Variants in FSTL4 observed in about 807,000 individuals in gnomAD.
FSTL4 encodes follistatin like 4, also known as follistatin-related protein 4.
Under a neutral mutation model 78.2 loss-of-function variants are expected in FSTL4, and 28 were observed. That is an observed-to-expected ratio of 0.36 (90% CI 0.27 to 0.49). FSTL4 has a LOEUF of 0.49. FSTL4 is among the 20% of genes least tolerant of loss of function. The pLI is 0.98. For missense variants in FSTL4, 922 were observed against 1,084.9 expected, an observed-to-expected ratio of 0.85 and a Z score of 2.11; for synonymous variants, 422 against 440.5, an observed-to-expected ratio of 0.96 and a Z score of 0.53.
chr5:133,514,187 T>TAAG (rs1758803546), intron 3 of FSTL4, among the ~76,000 whole-genome samples: 1 of 114,430 alleles, frequency 8.7e-6, no homozygotes, highest in Admixed American at 7.8e-5. Flanking sequence ...TCAATGATAA[T>TAAG]AATAATAATA....
chr5:133,393,636 G>A (rs934785078), intron 4 of FSTL4, among the ~76,000 whole-genome samples: 4 of 152,258 alleles, frequency 2.6e-5, no homozygotes, highest in Non-Finnish European at 5.9e-5. Flanking sequence ...AGAGAAAGTG[G>A]AGGCCAGCTT....
chr5:133,322,390 T>A (rs1025846752), intron 4 of FSTL4, among the ~76,000 whole-genome samples: 24 of 151,984 alleles, frequency 1.6e-4, no homozygotes, highest in African/African-American at 5.8e-4. Context: ...CCTTTCTGAG[T>A]GAGGCTTGCC....
chr5:133,607,912 A>AAGGG (rs1313422033), intron 1 of FSTL4, among the ~76,000 whole-genome samples: 11 of 141,742 alleles, frequency 7.8e-5, no homozygotes, highest in African/African-American at 2.0e-4. Context: ...AGAAGGAAAG[A>AAGGG]AGGGAGGGAG....
At chr5:133,459,205 C>T (rs1020595148) in intron 3 of FSTL4, among the ~76,000 whole-genome samples, 2 of 152,164 alleles carry the variant, frequency 1.3e-5, no homozygotes, top group Non-Finnish European at 2.9e-5. Flanking sequence ...GCAAAGGGCA[C>T]ATATGTTTAT....
chr5:133,837,235 C>T, the FSTL4 span, among the ~76,000 whole-genome samples: 1 of 152,024 alleles, frequency 6.6e-6, no homozygotes, highest in South Asian at 2.1e-4. Context: ...ATTGAAGTCT[C>T]AGTTATTGAT....
chr5:133,398,850 T>C (rs1580682042), intron 4 of FSTL4, among the ~76,000 whole-genome samples: 1 of 152,010 alleles, frequency 6.6e-6, no homozygotes, highest in East Asian at 1.9e-4. Flanking sequence ...CAAAAAGGGG[T>C]CCTTAAGAGA....
intron 3 of FSTL4, among the ~76,000 whole-genome samples, chr5:133,496,955 A>G (rs1758378584): frequency 6.6e-6 from 1 of 151,626 alleles, no homozygotes; most frequent in African/African-American, 2.4e-5. Flanking sequence ...AGCCAGCCCT[A>G]CCCCAATCCT....
intron 6 of FSTL4, among the ~76,000 whole-genome samples, chr5:133,261,350 G>GTAC (rs1174486245): frequency 2.3e-4 from 35 of 152,232 alleles, no homozygotes; most frequent in Admixed American, 1.4e-3. Context: ...CGGTGGAAAG[G>GTAC]ATGTGAGTTT....
At chr5:133,648,586 G>A in the FSTL4 span, among the ~76,000 whole-genome samples, 1 of 152,174 alleles carries the variant, frequency 6.6e-6, no homozygotes, top group Admixed American at 6.5e-5. Flanking sequence ...GAAGCTTAAT[G>A]CAGCTTCCTC....
chr5:133,505,681 G>A (rs986372870), intron 3 of FSTL4, among the ~76,000 whole-genome samples: 1 of 152,218 alleles, frequency 6.6e-6, no homozygotes, highest in Non-Finnish European at 1.5e-5. Flanking sequence ...AAGAAGGGAT[G>A]CATTCCCTAC....
rs529145852 is a variant in FSTL4, at chr5:133,397,690, G to A, written c.409+3048C>T. 3.9e-5 allele frequency among the ~76,000 whole-genome samples: 6 copies of A among 152,242 alleles called. No individual in the cohort carries two copies. In the South Asian group the frequency reaches 1.2e-3, roughly 32 times the overall value. On this transcript the variant is annotated intron_variant, in intron 4 of 15. Coordinates refer to ENST00000265342, the MANE Select transcript of FSTL4 (RefSeq NM_015082.2). ...TGGCCACAGACGGGAGCTCTGAACT[G>A]TAGCAGCTTAGCCCAGCACAACCCA...
intron 3 of FSTL4, among the ~76,000 whole-genome samples, chr5:133,550,601 C>G (rs1759673140): frequency 6.6e-6 from 1 of 152,160 alleles, no homozygotes; most frequent in African/African-American, 2.4e-5. Context: ...ATACAACTGC[C>G]ATAGGAGGTA....
intron 3 of FSTL4, among the ~76,000 whole-genome samples, chr5:133,475,327 C>T (rs1420670417): frequency 6.6e-6 from 1 of 152,180 alleles, no homozygotes; most frequent in Non-Finnish European, 1.5e-5. Context: ...AATAGTTCAA[C>T]CTCAATCATT....
chr5:133,599,951 C>T (rs1413662237), intron 2 of FSTL4, among the ~76,000 whole-genome samples: 1 of 152,232 alleles, frequency 6.6e-6, no homozygotes, highest in African/African-American at 2.4e-5. Context: ...TACCATATCA[C>T]TTCTCACCCC....
intron 3 of FSTL4, among the ~76,000 whole-genome samples, chr5:133,475,341 A>G (rs1250335205): frequency 2.0e-5 from 3 of 152,206 alleles, no homozygotes; most frequent in Admixed American, 2.0e-4. Flanking sequence ...AATCATTTCA[A>G]AGATGCTTTC....
the FSTL4 span, among the ~76,000 whole-genome samples, chr5:133,828,864 G>C: frequency 6.6e-6 from 1 of 152,206 alleles, no homozygotes; most frequent in African/African-American, 2.4e-5. Context: ...CGAAGTGCTT[G>C]CTTCACTAAA....
the FSTL4 span, among the ~76,000 whole-genome samples, chr5:133,806,185 G>A: frequency 0.012 from 1,846 of 152,152 alleles, 20 homozygotes; most frequent in Non-Finnish European, 0.02. Context: ...TCTTGGTGTC[G>A]GACGTCTGTG....
the FSTL4 span, among the ~76,000 whole-genome samples, chr5:133,804,760 C>T: frequency 5.3e-5 from 8 of 151,754 alleles, no homozygotes; most frequent in Non-Finnish European, 7.4e-5. Context: ...CTGGTTAACA[C>T]GGTGAAACCC....
intron 4 of FSTL4, among the ~76,000 whole-genome samples, chr5:133,355,427 G>T (rs1169736190): frequency 6.6e-6 from 1 of 152,202 alleles, no homozygotes; most frequent in Admixed American, 6.5e-5. Context: ...GGAGGCCAAG[G>T]CGGGTGGATC....
Sources: allele counts gnomAD v4.1 joint callset (sites outside exome capture counted in the v4.1 genomes callset), GRCh38; gene constraint gnomAD v4.1.1; transcripts MANE v1.5; gene names NCBI Gene and HGNC (gene_info 2026-07-23, HGNC 2026-07-21).